The following MTERF4 variants were observed in gnomAD, a reference collection of about 807,000 sequenced individuals.
MTERF4 encodes mitochondrial transcription termination factor 4, also known as transcription termination factor 4, mitochondrial.
MTERF4 carries 17 observed loss-of-function variants against 22.5 expected under a neutral mutation model. That is an observed-to-expected ratio of 0.75 (90% confidence interval 0.52 to 1.13). The LOEUF is 1.13. Ranked by LOEUF, MTERF4 falls within the 50% of genes most tolerant of loss-of-function variation. The pLI, the probability that MTERF4 is intolerant of heterozygous loss-of-function variation, is 0.00. For synonymous variants in MTERF4, 165 were observed against 175.3 expected, an observed-to-expected ratio of 0.94 and a Z score of 0.47; for missense variants, 420 against 466.8, an observed-to-expected ratio of 0.90 and a Z score of 0.92.
intron 4 of MTERF4, among the ~76,000 whole-genome samples, chr2:241,077,958 G>A (rs2063107168): frequency 6.6e-6 from 1 of 152,136 alleles, no homozygotes; most frequent in African/African-American, 2.4e-5. Flanking sequence ...GCATGACCCA[G>A]TAATTGCACT....
chr2:241,100,111 G>A (rs900964595), intron 1 of MTERF4: 9 of 521,914 alleles, frequency 1.7e-5, no homozygotes, highest in Non-Finnish European at 3.0e-5. Context: ...AGTCAAGCAG[G>A]TACAATATTG....
chr2:241,078,770 T>G (rs1333547567), intron 4 of MTERF4, among the ~76,000 whole-genome samples: 1 of 151,802 alleles, frequency 6.6e-6, no homozygotes, highest in African/African-American at 2.4e-5. Flanking sequence ...TTGTACACTT[T>G]GGGTGAATTT....
downstream of MTERF4, chr2:241,082,500 T>C (rs2063378163): frequency 9.5e-6 from 6 of 630,048 alleles, no homozygotes; most frequent in Non-Finnish European, 1.7e-5. Context: ...GCTTTGACCA[T>C]CGATTCCCTC....
intron 4 of MTERF4, among the ~76,000 whole-genome samples, chr2:241,078,338 G>A (rs572170335): frequency 8.7e-5 from 13 of 148,748 alleles, no homozygotes; most frequent in Admixed American, 4.7e-4. Flanking sequence ...AGGTGAGATC[G>A]CGCCACTGCA....
chr2:241,054,176 CT>C, the MTERF4 span, among the ~76,000 whole-genome samples: 7 of 152,198 alleles, frequency 4.6e-5, no homozygotes, highest in African/African-American at 1.7e-4. Flanking sequence ...ATGACCCCCC[CT>C]CCCAATGCTA....
chr2:241,048,927 C>A, the MTERF4 span: 2 of 1,264,810 alleles, frequency 1.6e-6, no homozygotes, highest in Non-Finnish European at 1.1e-6. Context: ...CCTGTTGGGG[C>A]CACTGGGTCT....
chr2:241,092,044 T>G (rs536391404), downstream of MTERF4: 5 of 152,344 alleles, frequency 3.3e-5, no homozygotes, highest in Admixed American at 3.3e-4. The surrounding 1 kb of genome is among the most constrained non-coding windows in gnomAD (Gnocchi z 4.6). Context: ...GAAAGAATTC[T>G]CCCTTCGAGG....
chr2:241,078,116 G>A (rs2063119960), intron 4 of MTERF4, among the ~76,000 whole-genome samples: 1 of 152,188 alleles, frequency 6.6e-6, no homozygotes, highest in Admixed American at 6.6e-5. Flanking sequence ...CGGGCGCGGT[G>A]GCTCACGCCT....
At chr2:241,098,976 T>C (rs2064578538) in intron 2 of MTERF4, among the ~76,000 whole-genome samples, 1 of 152,088 alleles carries the variant, frequency 6.6e-6, no homozygotes, top group Non-Finnish European at 1.5e-5. Context: ...AGCCAAATTA[T>C]ACAGTCCTCT....
chr2:241,102,070 C>A, intron 1 of MTERF4, 183 bp downstream of exon 1: 2 of 731,770 alleles, frequency 2.7e-6, no homozygotes, highest in Non-Finnish European at 4.4e-6. Context: ...AAAATGTCAA[C>A]TCTATATCCC....
chr2:241,071,821 G>C, downstream of MTERF4: 1 of 1,603,620 alleles, frequency 6.2e-7, no homozygotes, highest in Non-Finnish European at 8.5e-7. Flanking sequence ...GGACGGCAGA[G>C]GAAGAGTGAG....
chr2:241,047,447 C>T, the MTERF4 span, among the ~76,000 whole-genome samples: 1 of 152,168 alleles, frequency 6.6e-6, no homozygotes, highest in African/African-American at 2.4e-5. Context: ...AACATGTACA[C>T]AGGAAATCAG....
downstream of MTERF4, among the ~76,000 whole-genome samples, chr2:241,070,959 A>G (rs1559294873): frequency 6.6e-6 from 1 of 152,202 alleles, no homozygotes; most frequent in Non-Finnish European, 1.5e-5. Context: ...CACGAAGTGC[A>G]TAAGCTTGCC....
chr2:241,089,464 T>C (rs2063766518), downstream of MTERF4: 6 of 1,532,516 alleles, frequency 3.9e-6, no homozygotes, highest in Non-Finnish European at 5.3e-6. Flanking sequence ...AAAGGAAGAG[T>C]GTCCACACCC....
downstream of MTERF4, chr2:241,087,653 G>T (rs1316423324): frequency 1.9e-5 from 27 of 1,406,498 alleles, no homozygotes; most frequent in Non-Finnish European, 2.3e-5. Flanking sequence ...CCATATATGT[G>T]CATGTGAGCA....
chr2:241,054,206 G>A, the MTERF4 span, among the ~76,000 whole-genome samples: 1 of 152,102 alleles, frequency 6.6e-6, no homozygotes, highest in Non-Finnish European at 1.5e-5. Context: ...CCTATATGTT[G>A]CCAGAAGATG....
chr2:241,060,060 T>C, the MTERF4 span, among the ~76,000 whole-genome samples: 5 of 152,386 alleles, frequency 3.3e-5, no homozygotes, highest in African/African-American at 9.6e-5. Flanking sequence ...AGGGTCAGTA[T>C]ATAGAACCTG....
chr2:241,082,329 C>T (rs1199214702), downstream of MTERF4: 3 of 1,613,554 alleles, frequency 1.9e-6, no homozygotes, highest in Admixed American at 3.3e-5. Flanking sequence ...AGACAAAGGC[C>T]TTTCCAGTCT....
At chr2:241,052,751 G>A in the MTERF4 span, among the ~76,000 whole-genome samples, 18 of 87,804 alleles carry the variant, frequency 2.1e-4, no homozygotes, top group East Asian at 7.5e-4. Flanking sequence ...TGAGAGGGCC[G>A]GGGGGCCAAG....
Sources: allele counts gnomAD v4.1 joint callset (sites outside exome capture counted in the v4.1 genomes callset), GRCh38; gene constraint gnomAD v4.1.1; non-coding constraint Gnocchi (gnomAD v3.1); transcripts MANE v1.5; gene names NCBI Gene and HGNC (gene_info 2026-07-23, HGNC 2026-07-21).